The following NKAIN3 variants were observed in gnomAD, a reference collection of about 807,000 sequenced individuals.
NKAIN3 encodes sodium/potassium transporting ATPase interacting 3, also known as sodium/potassium-transporting ATPase subunit beta-1-interacting protein 3.
In NKAIN3, 25 loss-of-function variants were observed where a neutral mutation model predicts 30.2. The ratio of observed to expected loss-of-function variants is 0.83; its 90% CI spans 0.60 to 1.16. The LOEUF is 1.16. Ranked by LOEUF, NKAIN3 falls within the 50% of genes most tolerant of loss-of-function variation. NKAIN3 has a pLI of 0.00. For missense variants in NKAIN3, 225 were observed against 254.1 expected, an observed-to-expected ratio of 0.89 and a Z score of 0.78; for synonymous variants, 91 against 89.6, an observed-to-expected ratio of 1.02 and a Z score of -0.09.
At chr8:62,317,876 C>T (rs1199385173) in intron 1 of NKAIN3, among the ~76,000 whole-genome samples, 2 of 152,168 alleles carry the variant, frequency 1.3e-5, no homozygotes, top group South Asian at 2.1e-4. Context: ...GCAGTACGGC[C>T]ATTTTCACGA....
chr8:62,520,101 T>C (rs1314142730), intron 1 of NKAIN3, among the ~76,000 whole-genome samples: 1 of 152,192 alleles, frequency 6.6e-6, no homozygotes, highest in East Asian at 1.9e-4. Context: ...ACATTAGATG[T>C]ATGTCACCCA....
intron 1 of NKAIN3, among the ~76,000 whole-genome samples, chr8:62,309,537 A>G (rs1814359904): frequency 6.6e-6 from 1 of 150,424 alleles, no homozygotes; most frequent in African/African-American, 2.5e-5. Context: ...TCTAAGTTAT[A>G]TTTCAAAGGA....
At position 62,973,224 on chromosome 8, in the gene NKAIN3, T is replaced by C. The variant is rs1823871783; in HGVS notation, c.*7817T>C. Among the ~76,000 whole-genome samples the C allele has an allele frequency of 3.9e-5, 6 of 152,374 alleles. No individual in the cohort carries two copies. The South Asian group carries it at 1.0e-3, about 26-fold the overall frequency. ...CTGGATCAAATGGTATTTCTAGTTC[T>C]AGATCCTTGAGGAATTGCCACACTG... On this transcript the variant is annotated 3_prime_UTR_variant, in exon 7 of 7. Transcript: ENST00000623646.
chr8:62,814,720 A>G (rs368697831), intron 4 of NKAIN3, among the ~76,000 whole-genome samples: 5 of 152,110 alleles, frequency 3.3e-5, no homozygotes, highest in East Asian at 1.9e-4. Context: ...TCTCTGGGAC[A>G]CATTCAAAGC....
At chr8:62,823,322 G>T (rs772630588) in intron 4 of NKAIN3, among the ~76,000 whole-genome samples, 4 of 152,054 alleles carry the variant, frequency 2.6e-5, no homozygotes, top group Non-Finnish European at 4.4e-5. Context: ...TATGTCATAT[G>T]CAGCAGATGA....
At chr8:62,729,046 A>AAAAAAAAAAAAC (rs1815380744) in intron 3 of NKAIN3, among the ~76,000 whole-genome samples, 1 of 139,402 alleles carries the variant, frequency 7.2e-6, no homozygotes, top group African/African-American at 2.7e-5. Context: ...AAAACAAAAA[A>AAAAAAAAAAAAC]AAAAAACCTC....
At chr8:62,942,175 TATATATATATACACATATATATACACAC>T (rs1822977733) in intron 5 of NKAIN3, among the ~76,000 whole-genome samples, 1 of 145,962 alleles carries the variant, frequency 6.9e-6, no homozygotes, top group Admixed American at 6.9e-5. Flanking sequence ...CTGCAATATA[TATATATATATACACATATATATACACAC>T]ATATATATAC....
intron 5 of NKAIN3, among the ~76,000 whole-genome samples, chr8:62,942,173 TATATATATATATAC>T (rs1822977299): frequency 6.9e-6 from 1 of 145,310 alleles, no homozygotes; most frequent in African/African-American, 2.6e-5. Context: ...AGCTGCAATA[TATATATATATATAC>T]ACATATATAT....
intron 5 of NKAIN3, among the ~76,000 whole-genome samples, chr8:62,925,004 G>T (rs1822395270): frequency 6.6e-6 from 1 of 152,052 alleles, no homozygotes; most frequent in South Asian, 2.1e-4. Flanking sequence ...ATATGAATTG[G>T]TGGGGGTGGG....
chr8:62,743,801 C>A (rs1815983848), intron 3 of NKAIN3, among the ~76,000 whole-genome samples: 1 of 152,130 alleles, frequency 6.6e-6, no homozygotes, highest in Non-Finnish European at 1.5e-5. Context: ...TGGTAAGAGA[C>A]TGAATGGGGA....
intron 1 of NKAIN3, among the ~76,000 whole-genome samples, chr8:62,387,019 A>G (rs895706934): frequency 6.6e-6 from 1 of 152,194 alleles, no homozygotes; most frequent in South Asian, 2.1e-4. Flanking sequence ...ATGAAAGGTC[A>G]TAGTGACTAT....
intron 4 of NKAIN3, among the ~76,000 whole-genome samples, chr8:62,753,013 G>T (rs754104828): frequency 6.6e-6 from 1 of 151,994 alleles, no homozygotes; most frequent in Non-Finnish European, 1.5e-5. Context: ...TTGTTCTTCC[G>T]CATGTTCTTT....
At chr8:62,896,753 A>T (rs1821439687) in intron 4 of NKAIN3, among the ~76,000 whole-genome samples, 1 of 152,200 alleles carries the variant, frequency 6.6e-6, no homozygotes. Context: ...AGCAGAACCT[A>T]ATAATTGCAG....
In NKAIN3 at chr8:62,889,481, C is replaced by T. The variant is rs1821239769; in HGVS notation, c.472-28972C>T. ...TGTAATATAGTATTGCTGATAAGCT[C>T]AGGATGAGAGATAGTAAATAGTAGA... On this transcript the variant is annotated intron_variant, in intron 4 of 6. Coordinates refer to ENST00000623646, the MANE Select transcript of NKAIN3 (RefSeq NM_001304533.3). Among the ~76,000 whole-genome samples, 6 of 152,194 alleles carry T rather than the reference C, an allele frequency of 3.9e-5. No individual in the cohort carries two copies. In the South Asian group the frequency reaches 1.2e-3, roughly 32 times the overall value.
intron 4 of NKAIN3, among the ~76,000 whole-genome samples, chr8:62,899,919 G>C (rs1280642959): frequency 6.6e-6 from 1 of 151,294 alleles, no homozygotes; most frequent in Non-Finnish European, 1.5e-5. Flanking sequence ...ATTACATATT[G>C]GGTACAATGT....
chr8:62,848,710 T>TTC (rs1295430240), intron 4 of NKAIN3, among the ~76,000 whole-genome samples: 3 of 152,176 alleles, frequency 2.0e-5, no homozygotes, highest in African/African-American at 7.2e-5. Context: ...CTATGTTGAA[T>TTC]AGTAGTGGTG....
intron 3 of NKAIN3, among the ~76,000 whole-genome samples, chr8:62,737,775 G>A (rs1815721948): frequency 6.6e-6 from 1 of 152,164 alleles, no homozygotes; most frequent in African/African-American, 2.4e-5. Context: ...GTTGGCTATA[G>A]TATGTGCTGT....
intron 1 of NKAIN3, among the ~76,000 whole-genome samples, chr8:62,322,311 G>A (rs575559154): frequency 3.5e-4 from 54 of 152,166 alleles, no homozygotes; most frequent in African/African-American, 1.2e-3. Context: ...TTCGGCTCAC[G>A]CTCGGTGCAC....
intron 1 of NKAIN3, among the ~76,000 whole-genome samples, chr8:62,528,177 T>C (rs1434339443): frequency 2.0e-5 from 3 of 150,006 alleles, no homozygotes; most frequent in African/African-American, 7.4e-5. Context: ...TCTCCTGATA[T>C]ATATATATAT....
Sources: gnomAD v4.1 joint callset for allele counts (sites outside exome capture counted in the v4.1 genomes callset) on GRCh38, gnomAD v4.1.1 for gene constraint, MANE v1.5 for transcripts, NCBI Gene and HGNC (gene_info 2026-07-23, HGNC 2026-07-21) for gene names.